Variants in STK39 observed in about 807,000 individuals in gnomAD.
STK39 encodes serine/threonine kinase 39.
STK39 carries 20 observed loss-of-function variants against 77.8 expected under a neutral mutation model. That is an observed-to-expected ratio of 0.26 (90% CI 0.18 to 0.37). STK39 has a LOEUF of 0.37. STK39 is among the 10% of genes least tolerant of loss of function. The pLI, the probability that STK39 is intolerant of heterozygous loss-of-function variation, is 1.00. For synonymous variants in STK39, 246 were observed against 234.1 expected, an observed-to-expected ratio of 1.05 and a Z score of -0.47; for missense variants, 479 against 656.5, an observed-to-expected ratio of 0.73 and a Z score of 2.95.
intron 1 of STK39, among the ~76,000 whole-genome samples, chr2:168,217,233 G>C (rs1278965804): frequency 6.6e-6 from 1 of 152,100 alleles, no homozygotes; most frequent in Non-Finnish European, 1.5e-5. Flanking sequence ...AAGTCACACA[G>C]GGAACATGTT....
intron 16 of STK39, among the ~76,000 whole-genome samples, chr2:167,990,939 T>G (rs922247950): frequency 6.6e-6 from 1 of 152,198 alleles, no homozygotes; most frequent in Non-Finnish European, 1.5e-5. Flanking sequence ...CTAGCCACAG[T>G]GCTCAAACAG....
intron 1 of STK39, among the ~76,000 whole-genome samples, chr2:168,235,113 C>G (rs185079696): frequency 2.6e-5 from 4 of 151,506 alleles, no homozygotes; most frequent in Non-Finnish European, 5.9e-5. Context: ...TCTTGGCTCA[C>G]TGCAACCACC....
chr2:168,036,258 G>A (rs2105345806), intron 14 of STK39, among the ~76,000 whole-genome samples: 1 of 152,100 alleles, frequency 6.6e-6, no homozygotes, highest in South Asian at 2.1e-4. Flanking sequence ...GTTGAAAGAT[G>A]AGAAAGCTGG....
intron 4 of STK39, 168 bp downstream of exon 4, chr2:168,163,571 C>T: frequency 1.0e-6 from 1 of 983,726 alleles, no homozygotes; most frequent in Non-Finnish European, 1.2e-6. Context: ...CATGTGTTTC[C>T]TTAACATTCT....
intron 16 of STK39, among the ~76,000 whole-genome samples, chr2:168,009,363 A>C (rs956535164): frequency 5.3e-5 from 8 of 152,222 alleles, no homozygotes; most frequent in African/African-American, 1.9e-4. Flanking sequence ...ATTAAAATAG[A>C]AAACATCCAC....
At chr2:168,171,173 G>A (rs949049917) in intron 2 of STK39, among the ~76,000 whole-genome samples, 1 of 152,186 alleles carries the variant, frequency 6.6e-6, no homozygotes, top group African/African-American at 2.4e-5. Context: ...TTTCACAAGA[G>A]TGGGAAGACC....
At chr2:168,181,159 G>GTAACCAATCA (rs1689074793) in intron 2 of STK39, among the ~76,000 whole-genome samples, 1 of 152,066 alleles carries the variant, frequency 6.6e-6, no homozygotes, top group Non-Finnish European at 1.5e-5. Flanking sequence ...ATTAGTGTGG[G>GTAACCAATCA]GATAACCAAT....
chr2:168,109,075 C>A (rs1230298351), intron 10 of STK39, among the ~76,000 whole-genome samples: 1 of 152,158 alleles, frequency 6.6e-6, no homozygotes, highest in Non-Finnish European at 1.5e-5. Flanking sequence ...AACAGAGTGT[C>A]ATGACTGGAA....
chr2:168,011,795 C>A (rs1489835658), intron 16 of STK39, among the ~76,000 whole-genome samples: 1 of 152,114 alleles, frequency 6.6e-6, no homozygotes, highest in Non-Finnish European at 1.5e-5. Context: ...CTGCCACAAC[C>A]CAGCTGCATG....
At chr2:168,005,752 G>A (rs1684116763) in intron 16 of STK39, among the ~76,000 whole-genome samples, 1 of 152,188 alleles carries the variant, frequency 6.6e-6, no homozygotes, top group South Asian at 2.1e-4. Flanking sequence ...AGGAAAAGCT[G>A]TCCTCCAAAC....
intron 16 of STK39, among the ~76,000 whole-genome samples, chr2:167,970,459 C>T (rs1233593593): frequency 2.0e-5 from 3 of 152,164 alleles, no homozygotes; most frequent in East Asian, 3.9e-4. Flanking sequence ...AGGCCCTCTC[C>T]CCAGGCACAA....
chr2:168,216,161 C>T (rs1690020727), intron 1 of STK39, among the ~76,000 whole-genome samples: 1 of 151,898 alleles, frequency 6.6e-6, no homozygotes, highest in Non-Finnish European at 1.5e-5. Context: ...CCTCCTTAGG[C>T]CTGCAAACCC....
At chr2:168,011,420 T>G (rs1684267918) in intron 16 of STK39, among the ~76,000 whole-genome samples, 2 of 152,076 alleles carry the variant, frequency 1.3e-5, no homozygotes, top group African/African-American at 4.8e-5. Context: ...TTCCCCTAAG[T>G]AATACATTAT....
At chr2:168,192,666 T>C (rs147594618) in intron 1 of STK39, among the ~76,000 whole-genome samples, 63 of 152,262 alleles carry the variant, frequency 4.1e-4, no homozygotes, top group Non-Finnish European at 7.9e-4. Flanking sequence ...CAAATGACAA[T>C]AGCATCTACC....
Position 168,247,320 on chromosome 2 carries a change from G to A in STK39, c.116C>T (p.Ala39Val), listed in dbSNP as rs893597474. ...AAATAAPAPAAPAAPAPAPAP... is the reference protein window; with the variant it reads ...AAATAAPAPAVPAAPAPAPAP... ...CGGGGCCGGGGCCGGGGCCGCGGGAGCTGCCGGGGCCGGCGCTGCTGTCGC... is the reference window on the plus strand; with the variant it reads ...CGGGGCCGGGGCCGGGGCCGCGGGAACTGCCGGGGCCGGCGCTGCTGTCGC... The change falls in exon 1 of 18, where the codon GCT (alanine) becomes GTT (valine). Residue 39 changes from alanine to valine, a missense_variant. Transcript: ENST00000355999. 3.1e-5 allele frequency: 32 copies of A among 1,037,138 alleles called. No individual in the cohort carries two copies. Among genetic ancestry groups the A allele is most frequent in the East Asian group, 6.1e-5 (1 of 16,324 alleles). 64.2% of individuals were successfully genotyped at this position (1,037,138 alleles called of 1,614,324 possible). A position where few individuals can be genotyped will look rare whatever the true frequency, so the allele number is the denominator to read the frequency against.
At chr2:168,231,678 A>G (rs1054370734) in intron 1 of STK39, among the ~76,000 whole-genome samples, 2 of 152,084 alleles carry the variant, frequency 1.3e-5, no homozygotes, top group African/African-American at 4.8e-5. Context: ...AATTCAAGAA[A>G]AACCACTAAC....
At chr2:168,058,756 T>C (rs528805722) in intron 14 of STK39, among the ~76,000 whole-genome samples, 28 of 152,372 alleles carry the variant, frequency 1.8e-4, no homozygotes, top group African/African-American at 6.3e-4. Context: ...TAATCCTCAC[T>C]CTGGTCCAAG....
intron 16 of STK39, among the ~76,000 whole-genome samples, chr2:167,965,080 G>A (rs1359521018): frequency 6.6e-6 from 1 of 151,422 alleles, no homozygotes; most frequent in African/African-American, 2.4e-5. Context: ...AAATTTATTA[G>A]CCAGGAGAGG....
intron 12 of STK39, among the ~76,000 whole-genome samples, chr2:168,070,962 G>A (rs1685926487): frequency 6.6e-6 from 1 of 152,106 alleles, no homozygotes; most frequent in Non-Finnish European, 1.5e-5. Context: ...TACGACCCAG[G>A]ATGAGGTGGA....
Sources: gnomAD v4.1 joint callset for allele counts (sites outside exome capture counted in the v4.1 genomes callset) on GRCh38, gnomAD v4.1.1 for gene constraint, MANE v1.5 for transcripts, NCBI Gene and HGNC (gene_info 2026-07-23, HGNC 2026-07-21) for gene names.